Variants in LRRN2 observed in about 807,000 individuals in gnomAD.
LRRN2 encodes the protein leucine rich repeat neuronal 2.
Under a neutral mutation model 35.7 loss-of-function variants are expected in LRRN2, and 10 were observed. The ratio of observed to expected loss-of-function variants is 0.28; its 90% confidence interval spans 0.17 to 0.47. The LOEUF is 0.47. LRRN2 is among the 20% of genes least tolerant of loss of function. The probability of loss-of-function intolerance (pLI) is 0.99; values close to 1 mark genes in which losing one functional copy is unlikely to be tolerated. For synonymous variants in LRRN2, 391 were observed against 409.6 expected (o/e 0.95, Z 0.55); for missense variants, 731 against 940.3 (o/e 0.78, Z 2.91).
intron 1 of LRRN2, among the ~76,000 whole-genome samples, chr1:204,670,734 A>G (rs1668690304): frequency 6.6e-6 from 1 of 151,860 alleles, no homozygotes; most frequent in African/African-American, 2.4e-5. Context: ...GTGTCAAAAA[A>G]AAAAATGAGT....
At chr1:204,644,899 G>T (rs1668066624) in intron 1 of LRRN2, among the ~76,000 whole-genome samples, 1 of 152,228 alleles carries the variant, frequency 6.6e-6, no homozygotes, top group East Asian at 1.9e-4. Flanking sequence ...GCTAGCTTGG[G>T]TCCTGCTGGA....
At chr1:204,671,503 G>A (rs2102240156) in intron 1 of LRRN2, among the ~76,000 whole-genome samples, 1 of 151,136 alleles carries the variant, frequency 6.6e-6, no homozygotes, top group African/African-American at 2.4e-5. Context: ...ATCCAGAACA[G>A]GGACTTGGTC....
chr1:204,672,822 CT>C (rs1486566983), intron 1 of LRRN2, among the ~76,000 whole-genome samples: 2 of 152,188 alleles, frequency 1.3e-5, no homozygotes, highest in East Asian at 3.9e-4. Context: ...TCAGTAGCAG[CT>C]TGTGAAAGTG....
intron 1 of LRRN2, among the ~76,000 whole-genome samples, chr1:204,645,178 A>G (rs534310483): frequency 1.3e-5 from 2 of 152,364 alleles, no homozygotes; most frequent in African/African-American, 4.8e-5. Context: ...AAATCATTAT[A>G]CAGATGGGGA....
At chr1:204,678,922 C>T (rs945185138) in intron 1 of LRRN2, among the ~76,000 whole-genome samples, 1 of 152,198 alleles carries the variant, frequency 6.6e-6, no homozygotes, top group African/African-American at 2.4e-5. Flanking sequence ...ACTAAAAGCT[C>T]CTGAAGGGCA....
chr1:204,637,010 TGATA>T lies in LRRN2; in HGVS notation c.-226-16796_-226-16793del, dbSNP rs1667850481. Among the ~76,000 whole-genome samples, 4 of 152,228 alleles carry T rather than the reference TGATA, an allele frequency of 2.6e-5. No homozygotes were observed. In the South Asian group the frequency reaches 6.2e-4, roughly 24 times the overall value. On this transcript the variant is annotated intron_variant, in intron 1 of 1. Transcript: ENST00000367177. ...GAAATGCACCAAAATTAAGATGGAT[TGATA>T]GATAGAGGAATGGATAGTTGGAGAG...
intron 1 of LRRN2, among the ~76,000 whole-genome samples, chr1:204,632,284 A>G (rs1286887532): frequency 1.3e-5 from 2 of 152,202 alleles, no homozygotes; most frequent in Non-Finnish European, 2.9e-5. Context: ...AATAGCTACA[A>G]CAGCCATCAA....
chr1:204,671,065 G>A (rs540219261), intron 1 of LRRN2, among the ~76,000 whole-genome samples: 3 of 152,308 alleles, frequency 2.0e-5, no homozygotes, highest in Admixed American at 6.5e-5. Context: ...GAACATGGGT[G>A]GTGGAAGAAC....
rs1333558855 is a variant in LRRN2 at position 204,624,757 on chromosome 1, C to T, written c.-226-4539G>A. Among the ~76,000 whole-genome samples the T allele has an allele frequency of 1.6e-4, 4 of 24,548 alleles. No individual in the cohort carries two copies. The Admixed American group carries it at 2.6e-3, about 16-fold the overall frequency. 16.1% of individuals were successfully genotyped at this position (24,548 alleles called of 152,430 possible). On this transcript the variant is annotated intron_variant, in intron 1 of 1. Transcript: ENST00000367177. ...CTCTCCCTGGCGGTTCCCCCCCCACCCCCCCCCCCGGGAGCTGAGGGTCCA... is the reference window on the plus strand; with the variant it reads ...CTCTCCCTGGCGGTTCCCCCCCCACTCCCCCCCCCGGGAGCTGAGGGTCCA...
intron 1 of LRRN2, among the ~76,000 whole-genome samples, chr1:204,647,696 A>T (rs948322872): frequency 6.6e-6 from 1 of 152,202 alleles, no homozygotes; most frequent in African/African-American, 2.4e-5. Context: ...TCTGATTTTT[A>T]TGCGGAGTCA....
chr1:204,641,251 T>C (rs1667970154), intron 1 of LRRN2, among the ~76,000 whole-genome samples: 1 of 152,242 alleles, frequency 6.6e-6, no homozygotes, highest in African/African-American at 2.4e-5. Flanking sequence ...GATAATTATT[T>C]CAAAACAATT....
At chr1:204,684,860 G>A (rs1432294928) in intron 1 of LRRN2, among the ~76,000 whole-genome samples, 1 of 152,198 alleles carries the variant, frequency 6.6e-6, no homozygotes, top group Non-Finnish European at 1.5e-5. Context: ...GGAGGAGAAA[G>A]TCCCCAGGCT....
chr1:204,676,179 C>T (rs1668820370), intron 1 of LRRN2, among the ~76,000 whole-genome samples: 1 of 148,464 alleles, frequency 6.7e-6, no homozygotes, highest in African/African-American at 2.6e-5. Flanking sequence ...TGTGTACCCA[C>T]CCATGCACAC....
chr1:204,630,934 T>C (rs1350110482), intron 1 of LRRN2, among the ~76,000 whole-genome samples: 14 of 151,962 alleles, frequency 9.2e-5, no homozygotes, highest in Non-Finnish European at 1.9e-4. Context: ...GGTGTCTTCT[T>C]CCTTCTCTAG....
Position 204,617,937 on chromosome 1 carries a change from G to T in LRRN2, c.2056C>A (p.Leu686Ile), listed in dbSNP as rs1666472426. The T allele has an allele frequency of 6.2e-7, 1 of 1,614,058 alleles. No individual in the cohort carries two copies. Among genetic ancestry groups the T allele is most frequent in the Non-Finnish European group, 8.5e-7 (1 of 1,180,038 alleles). Residue 686 changes from leucine (L) to isoleucine (I), a missense_variant, in exon 2 of 2, where the codon CTC becomes ATC. Physicochemically the swap from Leu to Ile is conservative, Grantham distance 5 (BLOSUM62 2). Transcript: ENST00000367177. ...CTCCCTGGATTCCAGGGCAGGACGA[G>T]GGGAGCAGACACAACCCGGACAGAA... The part of the protein sequence containing the change: ...APSVRVVSAP[L>I]VLPWNPGRKL...
chr1:204,633,784 G>A (rs1015219668), intron 1 of LRRN2, among the ~76,000 whole-genome samples: 2 of 152,212 alleles, frequency 1.3e-5, no homozygotes, highest in Non-Finnish European at 2.9e-5. Context: ...CCTCAAGCCT[G>A]GAATAGAATG....
Position 204,618,982 on chromosome 1 carries a change from C to T in LRRN2, c.1011G>A (p.Met337Ile), listed in dbSNP as rs1409123838. The change falls in exon 2 of 2, where the codon ATG becomes ATA. Residue 337 changes from methionine (M) to isoleucine (I), a missense_variant. By Grantham distance (10) the Met-to-Ile change is conservative. Transcript: ENST00000367177. ...CGTTGTTGTTGAGCATGAGGGTCTCCATCTGGGGCAGGTGGTGGAAGGCGC... is the reference window on the plus strand; with the variant it reads ...CGTTGTTGTTGAGCATGAGGGTCTCTATCTGGGGCAGGTGGTGGAAGGCGC... Reference protein sequence around the residue: ...HPRAFHHLPQMETLMLNNNAL... With the variant: ...HPRAFHHLPQIETLMLNNNAL... The T allele has an allele frequency of 6.2e-7, 1 of 1,613,098 alleles. No individual in the cohort carries two copies. The highest frequency in any genetic ancestry group is 8.5e-7 in the Non-Finnish European group (1 of 1,179,322).
intron 1 of LRRN2, among the ~76,000 whole-genome samples, chr1:204,644,848 T>C (rs1668065614): frequency 6.6e-6 from 1 of 152,166 alleles, no homozygotes; most frequent in South Asian, 2.1e-4. Context: ...ACCCTCTTAA[T>C]AGAAGCTTCC....
chr1:204,660,920 G>A (rs1234310851), intron 1 of LRRN2, among the ~76,000 whole-genome samples: 1 of 152,226 alleles, frequency 6.6e-6, no homozygotes, highest in African/African-American at 2.4e-5. Context: ...TGGCAGGGGA[G>A]TGGGCCCAGG....
Sources: gnomAD v4.1 joint callset for allele counts (sites outside exome capture counted in the v4.1 genomes callset) on GRCh38, gnomAD v4.1.1 for gene constraint, MANE v1.5 for transcripts, NCBI Gene and HGNC (gene_info 2026-07-23, HGNC 2026-07-21) for gene names.